Variants in CDKL3 observed in about 807,000 individuals in gnomAD.
The protein encoded by CDKL3 is cyclin dependent kinase like 3.
In CDKL3, 65 loss-of-function variants were observed where a neutral mutation model predicts 69.3. The ratio of observed to expected loss-of-function variants is 0.94; its 90% CI spans 0.77 to 1.15. CDKL3 has a LOEUF of 1.15. CDKL3 is among the 50% of genes most tolerant of loss of function. The probability of loss-of-function intolerance (pLI) is 0.00; values close to 1 mark genes in which losing one functional copy is unlikely to be tolerated. For missense variants in CDKL3, 652 were observed against 689.2 expected (o/e 0.95, Z 0.61); for synonymous variants, 202 against 221.6 (o/e 0.91, Z 0.79).
chr5:134,306,763 T>C, intron 9 of CDKL3, 61 bp from the exon 10 acceptor site: 1 of 1,040,770 alleles, frequency 9.6e-7, no homozygotes, highest in Non-Finnish European at 1.4e-6. Context: ...TTTTTTTTTT[T>C]TTTTTTTTTT....
intron 3 of CDKL3, among the ~76,000 whole-genome samples, chr5:134,355,357 A>T (rs1003900981): frequency 6.6e-6 from 1 of 152,184 alleles, no homozygotes; most frequent in African/African-American, 2.4e-5. Flanking sequence ...AGTGCTACAA[A>T]GGAAAGGAAC....
At chr5:134,353,227 G>A (rs1753750368) in intron 3 of CDKL3, among the ~76,000 whole-genome samples, 2 of 152,086 alleles carry the variant, frequency 1.3e-5, no homozygotes, top group Non-Finnish European at 2.9e-5. Context: ...ACAAAACTAA[G>A]TACAGGCCCT....
At chr5:134,298,381 C>T (rs556142004), downstream of CDKL3, 75 of 1,210,140 alleles carry the variant, frequency 6.2e-5, 1 homozygote, top group African/African-American at 2.7e-4. Context: ...TATCATGTCA[C>T]GGCTTGTGTT....
In CDKL3 at chr5:134,348,979, G is replaced by A. The variant is rs76385302; in HGVS notation, c.539+1270C>T. ...GGTACAGTTGAAAAGGTACCCAGGG[G>A]AATGGATTGTGAATCCTGACCACCT... On this transcript the variant is annotated intron_variant, in intron 4 of 12. Transcript: ENST00000265334. Among the ~76,000 whole-genome samples, 1,404 of 152,206 alleles carry A rather than the reference G, an allele frequency of 9.2e-3. 23 individuals carry two copies. Among genetic ancestry groups the A allele is most frequent in the African/African-American group, 0.031 (1,278 of 41,532 alleles).
At chr5:134,327,354 G>A (rs1774654546) in intron 4 of CDKL3, among the ~76,000 whole-genome samples, 1 of 152,154 alleles carries the variant, frequency 6.6e-6, no homozygotes, top group African/African-American at 2.4e-5. Flanking sequence ...CACCTCTTAA[G>A]AGCAACAGTA....
At chr5:134,339,448 G>A (rs1326811958) in intron 4 of CDKL3, among the ~76,000 whole-genome samples, 3 of 151,824 alleles carry the variant, frequency 2.0e-5, no homozygotes, top group Non-Finnish European at 4.4e-5. Context: ...AGATGAAGAG[G>A]GAAATTTCAT....
intron 4 of CDKL3, among the ~76,000 whole-genome samples, chr5:134,341,650 G>A (rs1355357545): frequency 1.3e-5 from 2 of 152,248 alleles, no homozygotes; most frequent in Non-Finnish European, 2.9e-5. Flanking sequence ...CAAGCTGTAA[G>A]CTTGCACAGG....
chr5:134,345,264 T>C (rs945319677), intron 4 of CDKL3, among the ~76,000 whole-genome samples: 1 of 152,084 alleles, frequency 6.6e-6, no homozygotes, highest in Non-Finnish European at 1.5e-5. Flanking sequence ...TTCAGATGGA[T>C]GAACTGTATT....
At chr5:134,314,015 C>CG (rs1284946986) in intron 6 of CDKL3, among the ~76,000 whole-genome samples, 1 of 152,006 alleles carries the variant, frequency 6.6e-6, no homozygotes, top group African/African-American at 2.4e-5. Context: ...TGTGGTGGCA[C>CG]ATGCCTGTAA....
intron 6 of CDKL3, among the ~76,000 whole-genome samples, chr5:134,315,311 T>C (rs1021677799): frequency 6.6e-6 from 1 of 152,178 alleles, no homozygotes. Flanking sequence ...ATAAATATTT[T>C]AGTTGACAAA....
downstream of CDKL3, among the ~76,000 whole-genome samples, chr5:134,284,054 C>T (rs1764743169): frequency 6.6e-6 from 1 of 152,144 alleles, no homozygotes; most frequent in Non-Finnish European, 1.5e-5. Flanking sequence ...GAAGCTCCAC[C>T]TCTATGGCTT....
chr5:134,283,547 C>A (rs1764724148), downstream of CDKL3, among the ~76,000 whole-genome samples: 1 of 150,676 alleles, frequency 6.6e-6, no homozygotes, highest in South Asian at 2.1e-4. Flanking sequence ...ATGGAAAAAA[C>A]CTGCCTCCAA....
At chr5:134,316,974 GTATTT>G (rs1771255957) in intron 6 of CDKL3, among the ~76,000 whole-genome samples, 2 of 151,844 alleles carry the variant, frequency 1.3e-5, no homozygotes, top group Non-Finnish European at 2.9e-5. Flanking sequence ...TGTTTACTGT[GTATTT>G]TATATTTTTT....
At chr5:134,308,919 G>A (rs1056896536) in intron 7 of CDKL3, among the ~76,000 whole-genome samples, 192 bp from the exon 8 acceptor site, 5 of 152,114 alleles carry the variant, frequency 3.3e-5, no homozygotes, top group Admixed American at 6.5e-5. Flanking sequence ...TACATCTTTC[G>A]AAAATTATGC....
downstream of CDKL3, among the ~76,000 whole-genome samples, chr5:134,285,011 A>T (rs1252251881): frequency 1.3e-5 from 2 of 152,258 alleles, no homozygotes; most frequent in Non-Finnish European, 2.9e-5. Flanking sequence ...GAGATTAAAG[A>T]CAGGCATAGG....
At chr5:134,296,251 T>TAA, downstream of CDKL3, among the ~76,000 whole-genome samples, 1 of 152,124 alleles carries the variant, frequency 6.6e-6, no homozygotes, top group Admixed American at 6.6e-5. Context: ...CCAAGATGGC[T>TAA]AAATAGTAGA....
chr5:134,330,421 T>C (rs1775497253), intron 4 of CDKL3, among the ~76,000 whole-genome samples: 1 of 152,190 alleles, frequency 6.6e-6, no homozygotes, highest in South Asian at 2.1e-4. Flanking sequence ...GCTAAATCTT[T>C]GGCTCACTTT....
intron 12 of CDKL3, 35 bp from the exon 13 acceptor site, chr5:134,298,745 A>T (rs1243556929): frequency 5.6e-6 from 9 of 1,596,756 alleles, no homozygotes; most frequent in Non-Finnish European, 7.7e-6. Flanking sequence ...AGAATCAGGG[A>T]CTGGAATGTA....
chr5:134,363,958 A>G (rs1235985835), intron 2 of CDKL3, among the ~76,000 whole-genome samples: 1 of 119,040 alleles, frequency 8.4e-6, no homozygotes, highest in Non-Finnish European at 1.6e-5. Context: ...TCCATTTCTT[A>G]AAAAAAAAAA....
Sources: allele counts gnomAD v4.1 joint callset (sites outside exome capture counted in the v4.1 genomes callset), GRCh38; gene constraint gnomAD v4.1.1; transcripts MANE v1.5; gene names NCBI Gene and HGNC (gene_info 2026-07-23, HGNC 2026-07-21).